Variants in PRKG1 observed in about 807,000 individuals in gnomAD.
The protein encoded by PRKG1 is protein kinase cGMP-dependent 1.
In PRKG1, 35 loss-of-function variants were observed where a neutral mutation model predicts 88.1. The ratio of observed to expected loss-of-function variants is 0.40; its 90% CI spans 0.30 to 0.53. The LOEUF (loss-of-function observed/expected upper bound fraction) is 0.53. Among genes scored for constraint, PRKG1 ranks in the 20% least tolerant of loss-of-function variants. The pLI is 0.59. For missense variants in PRKG1, 540 were observed against 839.8 expected (o/e 0.64, Z 4.41); for synonymous variants, 303 against 292.5 (o/e 1.04, Z -0.37).
At chr10:52,135,071 T>C (rs1054286195) in intron 8 of PRKG1, among the ~76,000 whole-genome samples, 1 of 152,048 alleles carries the variant, frequency 6.6e-6, no homozygotes, top group Non-Finnish European at 1.5e-5. Flanking sequence ...TAGCGTCTAA[T>C]AGAGATGTGG....
At chr10:51,305,220 T>G (rs1841005193) in intron 2 of PRKG1, among the ~76,000 whole-genome samples, 1 of 152,110 alleles carries the variant, frequency 6.6e-6, no homozygotes, top group African/African-American at 2.4e-5. Context: ...CTTCCAAAAG[T>G]AGAGTTTCAG....
At chr10:51,383,813 CTG>C (rs1837180024) in intron 2 of PRKG1, among the ~76,000 whole-genome samples, 1 of 152,300 alleles carries the variant, frequency 6.6e-6, no homozygotes, top group African/African-American at 2.4e-5. Flanking sequence ...GCTGATGAAT[CTG>C]TCTTTGATTA....
At chr10:52,088,386 AT>A (rs1413679419) in intron 7 of PRKG1, among the ~76,000 whole-genome samples, 2 of 151,456 alleles carry the variant, frequency 1.3e-5, no homozygotes, top group Non-Finnish European at 2.9e-5. Context: ...TATATATTCA[AT>A]TTAACTTAGA....
chr10:51,922,324 TA>T (rs1842480570), intron 5 of PRKG1, among the ~76,000 whole-genome samples: 2 of 151,812 alleles, frequency 1.3e-5, no homozygotes, highest in African/African-American at 4.8e-5. Flanking sequence ...TTATCAATTT[TA>T]TTCATCTTTT....
intron 4 of PRKG1, among the ~76,000 whole-genome samples, chr10:51,806,770 C>T (rs959116759): frequency 6.6e-6 from 1 of 152,122 alleles, no homozygotes; most frequent in Admixed American, 6.6e-5. Context: ...TCAAGGCCCT[C>T]CTATAGCCAA....
At chr10:51,588,376 T>G (rs911707818) in intron 3 of PRKG1, among the ~76,000 whole-genome samples, 2 of 151,116 alleles carry the variant, frequency 1.3e-5, no homozygotes, top group Non-Finnish European at 2.9e-5. Context: ...TAAAAAGGCC[T>G]GCAGTTTTAA....
chr10:52,015,959 C>T (rs556835514), intron 5 of PRKG1, among the ~76,000 whole-genome samples: 60 of 152,308 alleles, frequency 3.9e-4, no homozygotes, highest in African/African-American at 1.3e-3. Context: ...CTTCATTGTT[C>T]ATATCACTAT....
chr10:51,611,890 G>A (rs1037622958), intron 3 of PRKG1, among the ~76,000 whole-genome samples: 4 of 152,050 alleles, frequency 2.6e-5, no homozygotes, highest in African/African-American at 9.7e-5. Flanking sequence ...TTATTAAAAA[G>A]GGTGTCCTTT....
chr10:51,967,954 T>C (rs539368084), intron 5 of PRKG1, among the ~76,000 whole-genome samples: 8 of 152,364 alleles, frequency 5.3e-5, no homozygotes, highest in African/African-American at 1.9e-4. Flanking sequence ...TTCTCAGTGA[T>C]TCTGTTCACT....
intron 4 of PRKG1, among the ~76,000 whole-genome samples, chr10:51,806,621 G>A (rs1303499140): frequency 6.6e-6 from 1 of 152,190 alleles, no homozygotes; most frequent in Non-Finnish European, 1.5e-5. Flanking sequence ...GTCCAGAGAG[G>A]TGACAGGATG....
At chr10:51,957,822 G>C (rs1231946518) in intron 5 of PRKG1, among the ~76,000 whole-genome samples, 1 of 152,126 alleles carries the variant, frequency 6.6e-6, no homozygotes, top group African/African-American at 2.4e-5. Context: ...ACCTGTAATA[G>C]TGTAGGACAT....
intron 5 of PRKG1, among the ~76,000 whole-genome samples, chr10:52,010,556 G>A (rs1844854927): frequency 6.6e-6 from 1 of 152,014 alleles, no homozygotes; most frequent in African/African-American, 2.4e-5. Context: ...TCAAACTTCA[G>A]TGTCATGTAA....
rs941254430 is a variant in PRKG1, at chr10:51,628,838, G to A, written c.592+161002G>A. On this transcript the variant is annotated intron_variant, in intron 3 of 17. Coordinates refer to ENST00000373980, the MANE Select transcript of PRKG1 (RefSeq NM_006258.4). ...GCCGGGCGCGGTGGCGGGCGCCTGTGGTCCCAGCTACTCGGGAGGCTGAGG... is the reference window on the plus strand; with the variant it reads ...GCCGGGCGCGGTGGCGGGCGCCTGTAGTCCCAGCTACTCGGGAGGCTGAGG... 6.7e-3 allele frequency among the ~76,000 whole-genome samples: 1,018 copies of A among 151,626 alleles called. 11 individuals are homozygous for A. The highest frequency in any genetic ancestry group is 0.022 in the African/African-American group (912 of 41,344).
intron 5 of PRKG1, among the ~76,000 whole-genome samples, chr10:51,970,039 CA>C (rs1564733418): frequency 1.7e-4 from 11 of 63,442 alleles, no homozygotes; most frequent in African/African-American, 4.6e-4. Flanking sequence ...CACACACACA[CA>C]CACACACACA....
At chr10:51,830,574 T>TG (rs1839981517) in intron 4 of PRKG1, among the ~76,000 whole-genome samples, 1 of 140,576 alleles carries the variant, frequency 7.1e-6, no homozygotes. Context: ...TTTTTTTTTT[T>TG]TTTTTGAGTC....
rs917245832 is a variant in PRKG1 at position 51,916,576 on chromosome 10, A to G, written c.762+9006A>G. Reference sequence around the variant, plus strand: ...ACTTTACTCTGTGGACTCGCCTTGAATTCTTTCTTGTGTGATATCCAAGAA... The same window carrying G: ...ACTTTACTCTGTGGACTCGCCTTGAGTTCTTTCTTGTGTGATATCCAAGAA... On this transcript the variant is annotated intron_variant, in intron 5 of 17. Coordinates refer to ENST00000373980, the MANE Select transcript of PRKG1 (RefSeq NM_006258.4). 3.9e-5 allele frequency among the ~76,000 whole-genome samples: 6 copies of G among 152,198 alleles called. No homozygotes were observed. In the South Asian group the frequency reaches 1.2e-3, roughly 32 times the overall value.
At position 51,078,856 on chromosome 10, in the gene PRKG1, T is replaced by TCCG. The variant is rs1041744291; in HGVS notation, c.311+3958_311+3960dup. ...TGGTCTTGATCTCCTGACCTCATGA[T>TCCG]CCGCCTGCCTTGGCCTCCCAAAATG... is the stretch of plus-strand genomic sequence containing the variant. On this transcript the variant is annotated intron_variant, in intron 1 of 17. Coordinates refer to ENST00000373980, the MANE Select transcript of PRKG1 (RefSeq NM_006258.4). Among the ~76,000 whole-genome samples the TCCG allele has an allele frequency of 9.2e-5, 14 of 152,024 alleles. 1 individual carries two copies. The highest frequency in any genetic ancestry group is 8.5e-4 in the Admixed American group (13 of 15,252).
At chr10:51,599,803 G>A (rs972253051) in intron 3 of PRKG1, among the ~76,000 whole-genome samples, 4 of 152,124 alleles carry the variant, frequency 2.6e-5, no homozygotes, top group African/African-American at 7.2e-5. Context: ...AGCTCTTGAT[G>A]AGCTCTTCTT....
At chr10:51,488,821 C>CG (rs1385139195) in intron 3 of PRKG1, among the ~76,000 whole-genome samples, 1 of 152,114 alleles carries the variant, frequency 6.6e-6, no homozygotes, top group African/African-American at 2.4e-5. Flanking sequence ...CTTGTTATCC[C>CG]AGGGATTCAG....
Sources: allele counts gnomAD v4.1 joint callset (sites outside exome capture counted in the v4.1 genomes callset), GRCh38; gene constraint gnomAD v4.1.1; transcripts MANE v1.5; gene names NCBI Gene and HGNC (gene_info 2026-07-23, HGNC 2026-07-21).